The following DCC variants were observed in gnomAD, a reference collection of about 807,000 sequenced individuals.
DCC encodes DCC netrin 1 receptor.
A neutral mutation model predicts 172.5 loss-of-function variants in DCC; 58 were observed. The ratio of observed to expected loss-of-function variants is 0.34; its 90% CI spans 0.27 to 0.42. The LOEUF (loss-of-function observed/expected upper bound fraction) is 0.42, where lower values mean the gene tolerates loss of function less well. Ranked by LOEUF, DCC falls within the 10% of genes least tolerant of loss-of-function variation. The pLI is 1.00. For synonymous variants in DCC, 709 were observed against 644.5 expected (o/e 1.10, Z -1.52); for missense variants, 1,740 against 1,791.0 (o/e 0.97, Z 0.51).
At chr18:52,660,614 G>A (rs946033088) in intron 1 of DCC, among the ~76,000 whole-genome samples, 6 of 152,212 alleles carry the variant, frequency 3.9e-5, no homozygotes, top group East Asian at 1.9e-4. Context: ...TTTCATTGTC[G>A]CCTATAAGTC....
At chr18:53,322,845 A>G (rs1213629197) in intron 14 of DCC, among the ~76,000 whole-genome samples, 1 of 151,840 alleles carries the variant, frequency 6.6e-6, no homozygotes, top group Non-Finnish European at 1.5e-5. Context: ...AAAACATTAA[A>G]TAATAAAGCA....
At chr18:52,820,327 C>T (rs1007903884) in intron 2 of DCC, among the ~76,000 whole-genome samples, 10 of 152,078 alleles carry the variant, frequency 6.6e-5, no homozygotes, top group Admixed American at 3.9e-4. Flanking sequence ...ATGTCTTTGC[C>T]TAATGTGTAT....
intron 5 of DCC, among the ~76,000 whole-genome samples, chr18:52,941,561 CTA>C (rs896199175): frequency 2.6e-5 from 4 of 151,518 alleles, no homozygotes; most frequent in African/African-American, 4.9e-5. Context: ...TATACACACA[CTA>C]TATATGCATA....
At chr18:52,946,079 G>A (rs2040540046) in intron 5 of DCC, among the ~76,000 whole-genome samples, 1 of 151,968 alleles carries the variant, frequency 6.6e-6, no homozygotes, top group Admixed American at 6.6e-5. Context: ...TTACAATTTG[G>A]TATGACTCAA....
intron 1 of DCC, among the ~76,000 whole-genome samples, chr18:52,497,069 C>T (rs1324742048): frequency 6.6e-6 from 1 of 151,096 alleles, no homozygotes; most frequent in African/African-American, 2.4e-5. Context: ...GCCTGGACAA[C>T]ATGACAAGAC....
Position 53,157,439 on chromosome 18 carries a change from T to G in DCC, c.1345T>G (p.Trp449Gly). The G allele has an allele frequency of 6.2e-7, 1 of 1,614,186 alleles. No individual in the cohort carries two copies. Reference sequence around the variant, plus strand: ...TTCCAGCCGATTTGTCCGTCTCAGCTGGCGCCCACCTGCAGAAGCGAAAGG... The same window carrying G: ...TTCCAGCCGATTTGTCCGTCTCAGCGGGCGCCCACCTGCAGAAGCGAAAGG... ...LVSSRFVRLS[W>G]RPPAEAKGNI... The change falls in exon 8 of 29, where the codon TGG becomes GGG. Residue 449 changes from tryptophan (W) to glycine (G), a missense_variant. Transcript: ENST00000442544.
At chr18:52,700,218 GCA>G (rs1217913727) in intron 1 of DCC, among the ~76,000 whole-genome samples, 8 of 45,836 alleles carry the variant, frequency 1.7e-4, no homozygotes, top group Admixed American at 6.3e-4. Context: ...ATGCACATGT[GCA>G]CACACATGCA....
intron 13 of DCC, among the ~76,000 whole-genome samples, chr18:53,306,472 T>C (rs1161161469): frequency 4.6e-5 from 7 of 152,166 alleles, no homozygotes; most frequent in Non-Finnish European, 2.9e-5. Flanking sequence ...ACATTATCCA[T>C]CTGTGGTGGC....
chr18:53,056,576 A>G (rs1292670831), intron 5 of DCC, among the ~76,000 whole-genome samples: 1 of 152,116 alleles, frequency 6.6e-6, no homozygotes, highest in Non-Finnish European at 1.5e-5. Flanking sequence ...AGGTAGCCCA[A>G]TTTGGCAGCA....
At chr18:53,421,062 T>C (rs1026081443) in intron 21 of DCC, among the ~76,000 whole-genome samples, 3 of 152,156 alleles carry the variant, frequency 2.0e-5, no homozygotes, top group Non-Finnish European at 4.4e-5. Flanking sequence ...TTTTAGAAAA[T>C]CCCTTTGTTT....
At chr18:53,418,169 G>C (rs1910429142) in intron 21 of DCC, among the ~76,000 whole-genome samples, 1 of 152,134 alleles carries the variant, frequency 6.6e-6, no homozygotes, top group Admixed American at 6.6e-5. Flanking sequence ...CAAGTTGATA[G>C]GTTCTAAATT....
At chr18:52,523,704 C>A (rs2031891570) in intron 1 of DCC, among the ~76,000 whole-genome samples, 1 of 152,130 alleles carries the variant, frequency 6.6e-6, no homozygotes. Flanking sequence ...AGCCCTGTTG[C>A]AAATTGTGAA....
intron 3 of DCC, among the ~76,000 whole-genome samples, chr18:52,916,542 A>G (rs1321814655): frequency 6.6e-6 from 1 of 152,206 alleles, no homozygotes; most frequent in African/African-American, 2.4e-5. Flanking sequence ...ACAATGTACC[A>G]ATCCAAATAA....
chr18:52,966,133 T>C (rs926566231), intron 5 of DCC, among the ~76,000 whole-genome samples: 2 of 152,124 alleles, frequency 1.3e-5, no homozygotes, highest in African/African-American at 4.8e-5. Flanking sequence ...AAACAAGCAA[T>C]CCTATCTAAC....
At chr18:52,977,030 A>G (rs1026870808) in intron 5 of DCC, among the ~76,000 whole-genome samples, 1 of 152,226 alleles carries the variant, frequency 6.6e-6, no homozygotes, top group African/African-American at 2.4e-5. Context: ...GTGACAATGG[A>G]GAACAAAGTT....
At chr18:52,549,907 C>T (rs2032719545) in intron 1 of DCC, among the ~76,000 whole-genome samples, 1 of 151,742 alleles carries the variant, frequency 6.6e-6, no homozygotes, top group Non-Finnish European at 1.5e-5. Context: ...AGTAGATACT[C>T]CCCTTTCTCA....
chr18:52,696,569 A>T (rs2036015183), intron 1 of DCC, among the ~76,000 whole-genome samples: 1 of 152,204 alleles, frequency 6.6e-6, no homozygotes, highest in Non-Finnish European at 1.5e-5. Flanking sequence ...CTGGTATGCC[A>T]TTAGGAAATG....
intron 6 of DCC, among the ~76,000 whole-genome samples, chr18:53,064,692 T>A (rs2042542476): frequency 6.6e-6 from 1 of 152,210 alleles, no homozygotes; most frequent in Admixed American, 6.6e-5. Context: ...TCACTTTTAG[T>A]TGCATTTGTT....
chr18:53,238,976 T>C (rs1366178406), intron 12 of DCC, among the ~76,000 whole-genome samples: 3 of 141,030 alleles, frequency 2.1e-5, no homozygotes, highest in Non-Finnish European at 4.5e-5. Flanking sequence ...TTCTCACTCA[T>C]AGGTGGGAAT....
Sources: gnomAD v4.1 joint callset for allele counts (sites outside exome capture counted in the v4.1 genomes callset) on GRCh38, gnomAD v4.1.1 for gene constraint, MANE v1.5 for transcripts, NCBI Gene and HGNC (gene_info 2026-07-23, HGNC 2026-07-21) for gene names.